The following TRMT61B variants were observed in gnomAD, a reference collection of about 807,000 sequenced individuals.
The protein encoded by TRMT61B is tRNA methyltransferase 61B.
A neutral mutation model predicts 52.0 loss-of-function variants in TRMT61B; 56 were observed. The ratio of observed to expected loss-of-function variants is 1.08; its 90% confidence interval spans 0.87 to 1.35. TRMT61B has a LOEUF of 1.35. Among genes scored for constraint, TRMT61B ranks in the 40% most tolerant of loss-of-function variants. The probability of loss-of-function intolerance (pLI) is 0.00; values close to 1 mark genes in which losing one functional copy is unlikely to be tolerated. For synonymous variants in TRMT61B, 206 were observed against 220.0 expected (o/e 0.94, Z 0.56); for missense variants, 650 against 577.9 (o/e 1.12, Z -1.28).
intron 3 of TRMT61B, among the ~76,000 whole-genome samples, chr2:28,855,631 A>T (rs1016295721): frequency 5.9e-5 from 9 of 152,170 alleles, no homozygotes; most frequent in Non-Finnish European, 8.8e-5. Context: ...GCTTGGGGGA[A>T]ATAAGAATTC....
In TRMT61B at chr2:28,866,359, G is replaced by A. The variant is rs562078104; in HGVS notation, c.700-1240C>T. 3.3e-5 allele frequency among the ~76,000 whole-genome samples: 5 copies of A among 152,306 alleles called. No homozygotes were observed. In the South Asian group the frequency reaches 1.0e-3, roughly 32 times the overall value. ...CGGTCCCCAACCTTTTGGGCACTAG[G>A]GACCCGTTTCGTGGAAGACAGTTTT... On this transcript the variant is annotated intron_variant, in intron 1 of 6. Coordinates refer to ENST00000306108, the MANE Select transcript of TRMT61B (RefSeq NM_017910.4).
Position 28,870,280 on chromosome 2 carries a change from T to C in TRMT61B, c.-3A>G, listed in dbSNP as rs376156130. On this transcript the variant is annotated 5_prime_UTR_variant, in exon 1 of 7. Coordinates refer to ENST00000306108, the MANE Select transcript of TRMT61B (RefSeq NM_017910.4). The stretch of plus-strand genomic sequence containing the variant: ...CCGCGGCACCATGCCATTAGCATAG[T>C]GTTTCGCGAAGGCGCCGTCGCAGAC... 42 of 1,547,094 alleles carry C rather than the reference T, an allele frequency of 2.7e-5. No homozygotes were observed. In the Admixed American group the frequency reaches 4.0e-4, roughly 15 times the overall value.
intron 2 of TRMT61B, among the ~76,000 whole-genome samples, chr2:28,861,748 C>T (rs1178607463): frequency 6.6e-6 from 1 of 152,154 alleles, no homozygotes; most frequent in Non-Finnish European, 1.5e-5. Context: ...AATGAAAATT[C>T]TTATACCTAA....
Position 28,850,334 on chromosome 2 carries a change from G to A in TRMT61B, c.1384C>T (p.His462Tyr). ...VARPVHWQPG[H>Y]TAFLVKLRKV... ...TTCTGAAAACATTACTCACCTGTAT[G>A]ACCAGGTTGCCAGTGTACTGGTCTA... Residue 462 changes from histidine to tyrosine, a missense_variant, in exon 6 of 7, where the codon CAT (histidine) becomes TAT (tyrosine). His to Tyr is a moderately conservative substitution (Grantham distance 83). Transcript: ENST00000306108. 6.2e-7 allele frequency: 1 copy of A among 1,608,006 alleles called. No homozygotes were observed. The highest frequency in any genetic ancestry group is 8.5e-7 in the Non-Finnish European group (1 of 1,175,788).
intron 2 of TRMT61B, among the ~76,000 whole-genome samples, chr2:28,862,669 G>C (rs183569811): frequency 6.6e-6 from 1 of 151,288 alleles, no homozygotes; most frequent in Non-Finnish European, 1.5e-5. Context: ...CTTTTATTAT[G>C]GATGAGGTTG....
chr2:28,852,691 G>C (rs551124007), intron 3 of TRMT61B, among the ~76,000 whole-genome samples, 192 bp from the exon 4 acceptor site: 1 of 152,208 alleles, frequency 6.6e-6, no homozygotes, highest in South Asian at 2.1e-4. Flanking sequence ...GGGCAATGTG[G>C]CTTCTGCCTG....
At chr2:28,861,470 T>A in intron 2 of TRMT61B, 162 bp from the exon 3 acceptor site, 1 of 624,862 alleles carries the variant, frequency 1.6e-6, no homozygotes. Flanking sequence ...TTAATCTCCC[T>A]CCCTCTTCAG....
At chr2:28,853,221 G>A (rs189584806) in intron 3 of TRMT61B, among the ~76,000 whole-genome samples, 64 of 151,612 alleles carry the variant, frequency 4.2e-4, no homozygotes, top group African/African-American at 1.5e-3. Flanking sequence ...TGTTGACCAG[G>A]CTGGAGTACA....
intron 1 of TRMT61B, among the ~76,000 whole-genome samples, chr2:28,866,268 G>C (rs921583190): frequency 1.3e-5 from 2 of 152,164 alleles, no homozygotes; most frequent in African/African-American, 4.8e-5. Flanking sequence ...TGGGATTACA[G>C]GTGTGAGCCA....
intron 3 of TRMT61B, among the ~76,000 whole-genome samples, chr2:28,856,123 TG>T (rs547006842): frequency 1.6e-4 from 25 of 152,344 alleles, no homozygotes; most frequent in South Asian, 4.1e-4. Flanking sequence ...AAATCTTGAA[TG>T]CTCAATTCTC....
chr2:28,869,519 G>T, intron 1 of TRMT61B, 60 bp downstream of exon 1: 4 of 1,159,092 alleles, frequency 3.5e-6, no homozygotes, highest in Non-Finnish European at 5.1e-6. Context: ...TCAGGACTGA[G>T]TACTGCATCT....
chr2:28,861,000 A>T (rs903123328), intron 3 of TRMT61B, 118 bp downstream of exon 3: 3 of 821,042 alleles, frequency 3.7e-6, no homozygotes, highest in Non-Finnish European at 5.5e-6. Context: ...TATTCTTTCA[A>T]TCCCTAGAGA....
intron 3 of TRMT61B, among the ~76,000 whole-genome samples, chr2:28,860,037 T>G (rs762815381): frequency 6.6e-6 from 1 of 151,932 alleles, no homozygotes; most frequent in East Asian, 1.9e-4. Context: ...TTTGGGAGAC[T>G]GAGATGGGCA....
chr2:28,852,914 G>A (rs1351364951), intron 3 of TRMT61B, among the ~76,000 whole-genome samples: 1 of 152,100 alleles, frequency 6.6e-6, no homozygotes, highest in Non-Finnish European at 1.5e-5. Flanking sequence ...ACCTATGACT[G>A]TGCCATCATA....
At chr2:28,855,845 C>G (rs1190030825) in intron 3 of TRMT61B, among the ~76,000 whole-genome samples, 4 of 152,104 alleles carry the variant, frequency 2.6e-5, no homozygotes, top group African/African-American at 9.7e-5. Flanking sequence ...GTGGCGGGTG[C>G]CTGTAGTCCC....
intron 4 of TRMT61B, among the ~76,000 whole-genome samples, chr2:28,851,596 T>C (rs1669098387): frequency 6.6e-6 from 1 of 152,098 alleles, no homozygotes; most frequent in Non-Finnish European, 1.5e-5. Flanking sequence ...TAAACAGTAA[T>C]ATAGGGTTGG....
intron 2 of TRMT61B, among the ~76,000 whole-genome samples, chr2:28,862,328 G>C (rs1421906871): frequency 9.0e-6 from 1 of 111,160 alleles, no homozygotes; most frequent in Non-Finnish European, 1.7e-5. Flanking sequence ...AGATTTTTGA[G>C]TTTGGTTTTT....
chr2:28,869,461 A>C (rs1669988301), intron 1 of TRMT61B, 118 bp downstream of exon 1: 1 of 684,356 alleles, frequency 1.5e-6, no homozygotes. Context: ...TAAAAGCCTG[A>C]GTACAATAAA....
In TRMT61B at chr2:28,850,071, T is replaced by A. The variant is rs1361096911; in HGVS notation, c.*128A>T. The stretch of plus-strand genomic sequence containing the variant: ...ATCTTTTAGTTGTTATTTTCAAAAT[T>A]ATATGTATAAGTTATATAAGTCATA... On this transcript the variant is annotated 3_prime_UTR_variant, in exon 7 of 7. Coordinates refer to ENST00000306108, the MANE Select transcript of TRMT61B (RefSeq NM_017910.4). The A allele has an allele frequency of 6.9e-6, 8 of 1,165,356 alleles. No homozygotes were observed. The East Asian group carries it at 1.5e-4, about 22-fold the overall frequency. The allele number at this position is 1,165,356 out of a possible 1,614,324, so 72.2% of individuals were successfully genotyped here. A position where few individuals can be genotyped will look rare whatever the true frequency, so the allele number is the denominator to read the frequency against.
Sources: gnomAD v4.1 joint callset for allele counts (sites outside exome capture counted in the v4.1 genomes callset) on GRCh38, gnomAD v4.1.1 for gene constraint, MANE v1.5 for transcripts, NCBI Gene and HGNC (gene_info 2026-07-23, HGNC 2026-07-21) for gene names.